The following CUL4A variants were observed in gnomAD, a reference collection of about 807,000 sequenced individuals.
CUL4A encodes the protein cullin-4A.
Under a neutral mutation model 95.5 loss-of-function variants are expected in CUL4A, and 16 were observed. That is an observed-to-expected ratio of 0.17 (90% CI 0.11 to 0.25). The LOEUF (loss-of-function observed/expected upper bound fraction) is 0.25, where lower values mean the gene tolerates loss of function less well. Among genes scored for constraint, CUL4A ranks in the 10% least tolerant of loss-of-function variants. The pLI, the probability that CUL4A is intolerant of heterozygous loss-of-function variation, is 1.00. For missense variants in CUL4A, 610 were observed against 937.0 expected (o/e 0.65, Z 4.56); for synonymous variants, 380 against 353.1 (o/e 1.08, Z -0.85).
chr13:113,225,984 A>G (rs1481834986), intron 3 of CUL4A, among the ~76,000 whole-genome samples: 1 of 152,166 alleles, frequency 6.6e-6, no homozygotes, highest in Non-Finnish European at 1.5e-5. Flanking sequence ...AAATAGAGTA[A>G]GCTGTCTTAG....
intron 2 of CUL4A, among the ~76,000 whole-genome samples, chr13:113,213,085 A>C (rs1243470575): frequency 6.6e-6 from 1 of 152,044 alleles, no homozygotes; most frequent in Non-Finnish European, 1.5e-5. Flanking sequence ...TAGGAGAATT[A>C]AATTCTTAAC....
chr13:113,244,539 G>C, intron 12 of CUL4A, 25 bp downstream of exon 12: 1 of 1,555,830 alleles, frequency 6.4e-7, no homozygotes, highest in Non-Finnish European at 8.8e-7. Context: ...CTCAGAAAAT[G>C]CTGCATAATC....
At chr13:113,240,781 G>A (rs951897064) in intron 10 of CUL4A, among the ~76,000 whole-genome samples, 5 of 152,076 alleles carry the variant, frequency 3.3e-5, no homozygotes, top group East Asian at 1.9e-4. Flanking sequence ...GGTTTCGGCC[G>A]AGGTCTAGAT....
chr13:113,265,387 AG>A lies in CUL4A; in HGVS notation c.*1806del. On this transcript the variant is annotated 3_prime_UTR_variant, in exon 20 of 20. Transcript: ENST00000375440. The stretch of plus-strand genomic sequence containing the variant: ...CATAGGGAGATCCTGTTTCCATTTT[AG>A]TTTATTTATTTTTAATTGAGGTGGA... The A allele has an allele frequency of 6.6e-6, 1 of 152,086 alleles. No individual in the cohort carries two copies. The highest frequency in any genetic ancestry group is 1.5e-5 in the Non-Finnish European group (1 of 68,038). The allele number at this position is 152,086 out of a possible 1,614,324, so 9.4% of individuals were successfully genotyped here.
chr13:113,214,224 T>G (rs935708516), intron 2 of CUL4A, among the ~76,000 whole-genome samples: 3 of 152,202 alleles, frequency 2.0e-5, no homozygotes, highest in African/African-American at 7.2e-5. Flanking sequence ...GCCTGTTGTT[T>G]CTGTTTGTTA....
chr13:113,220,543 G>T (rs777371873), intron 3 of CUL4A, among the ~76,000 whole-genome samples: 1 of 152,198 alleles, frequency 6.6e-6, no homozygotes, highest in Non-Finnish European at 1.5e-5. Context: ...TCCAAAAAGC[G>T]GCCTGACTCC....
At chr13:113,234,967 TAA>T in intron 7 of CUL4A, 94 bp from the exon 8 acceptor site, 3 of 907,426 alleles carry the variant, frequency 3.3e-6, no homozygotes, top group Non-Finnish European at 5.1e-6. Flanking sequence ...TTCTGCTTTT[TAA>T]AAAAATTACA....
chr13:113,256,774 A>G (rs1201965170), intron 18 of CUL4A, among the ~76,000 whole-genome samples: 1 of 152,104 alleles, frequency 6.6e-6, no homozygotes, highest in East Asian at 1.9e-4. Context: ...ATACATGTTG[A>G]TGCTGCTCTT....
chr13:113,242,713 G>A (rs1227114621), intron 10 of CUL4A, among the ~76,000 whole-genome samples: 3 of 152,196 alleles, frequency 2.0e-5, no homozygotes, highest in Non-Finnish European at 4.4e-5. Context: ...TTGAGCTTGG[G>A]AGGTTGAGGC....
chr13:113,233,370 G>C (rs1281956836), intron 6 of CUL4A, 31 bp downstream of exon 6: 3 of 1,590,040 alleles, frequency 1.9e-6, no homozygotes, highest in Non-Finnish European at 2.6e-6. Context: ...AGATACCTGG[G>C]TACCTGCCCA....
rs568009326 is a variant in CUL4A at position 113,243,420 on chromosome 13, G to A, written c.1228+260G>A. Reference sequence around the variant, plus strand: ...TAGAAAAGAAATGATGCTTGACTTCGCCAAAGAAGGGAGGGGTGATCACCA... The same window carrying A: ...TAGAAAAGAAATGATGCTTGACTTCACCAAAGAAGGGAGGGGTGATCACCA... On this transcript the variant is annotated intron_variant, in intron 11 of 19. Coordinates refer to ENST00000375440, the MANE Select transcript of CUL4A (RefSeq NM_001008895.4). Among the ~76,000 whole-genome samples, 170 of 152,130 alleles carry A rather than the reference G, an allele frequency of 1.1e-3. 1 individual carries two copies. Among genetic ancestry groups the A allele is most frequent in the African/African-American group, 3.4e-3 (142 of 41,508 alleles).
intron 5 of CUL4A, among the ~76,000 whole-genome samples, chr13:113,231,378 A>G (rs1265154770): frequency 1.3e-5 from 2 of 152,212 alleles, no homozygotes; most frequent in East Asian, 3.9e-4. Flanking sequence ...CAGTAAGTTC[A>G]AAGCCGAGTA....
At chr13:113,244,375 A>G in intron 11 of CUL4A, 35 bp from the exon 12 acceptor site, 2 of 1,457,416 alleles carry the variant, frequency 1.4e-6, no homozygotes, top group Non-Finnish European at 1.9e-6. Context: ...CTCTTTTTCT[A>G]GTTTAGAGTA....
At chr13:113,218,848 C>A (rs879145826) in intron 2 of CUL4A, 97 bp from the exon 3 acceptor site, 1 of 781,424 alleles carries the variant, frequency 1.3e-6, no homozygotes, top group East Asian at 2.7e-5. Flanking sequence ...TGTGGGGTGC[C>A]TTTTTCTTAT....
chr13:113,208,813 C>T (rs1282485497), upstream of CUL4A: 2 of 1,409,282 alleles, frequency 1.4e-6, no homozygotes, highest in Non-Finnish European at 1.8e-6. Flanking sequence ...TGAGGGGGCC[C>T]GGGGTCTTTC....
intron 18 of CUL4A, among the ~76,000 whole-genome samples, chr13:113,257,429 G>A (rs371814488): frequency 5.9e-5 from 9 of 152,280 alleles, no homozygotes; most frequent in Admixed American, 2.0e-4. Flanking sequence ...ATTGGCTCAC[G>A]GTTCTGCAGG....
intron 15 of CUL4A, among the ~76,000 whole-genome samples, chr13:113,251,645 C>T (rs1056751412): frequency 3.5e-4 from 54 of 152,212 alleles, no homozygotes; most frequent in African/African-American, 1.3e-3. Flanking sequence ...GTATGTAGCA[C>T]CTCCCCCTTC....
intron 11 of CUL4A, among the ~76,000 whole-genome samples, chr13:113,243,602 T>G (rs1389028575): frequency 6.6e-6 from 1 of 151,938 alleles, no homozygotes; most frequent in Non-Finnish European, 1.5e-5. Flanking sequence ...TTTTTTTAAT[T>G]CGAAGGAGAA....
intron 2 of CUL4A, among the ~76,000 whole-genome samples, chr13:113,211,655 G>A (rs1247768504): frequency 6.6e-6 from 1 of 152,200 alleles, no homozygotes; most frequent in African/African-American, 2.4e-5. Context: ...AAAGTGCTGG[G>A]TTTACCAGCA....
Sources: allele counts gnomAD v4.1 joint callset (sites outside exome capture counted in the v4.1 genomes callset), GRCh38; gene constraint gnomAD v4.1.1; transcripts MANE v1.5; gene names NCBI Gene and HGNC (gene_info 2026-07-23, HGNC 2026-07-21).